FUS: variants seen among roughly 807,000 people sequenced by gnomAD.
FUS encodes the protein RNA-binding protein FUS.
Under a neutral mutation model 82.7 loss-of-function variants are expected in FUS, and 5 were observed. The ratio of observed to expected loss-of-function variants is 0.06; its 90% confidence interval spans 0.03 to 0.13. The LOEUF (loss-of-function observed/expected upper bound fraction) is 0.13. Among genes scored for constraint, FUS ranks in the 10% least tolerant of loss-of-function variants. The pLI is 1.00. For synonymous variants in FUS, 281 were observed against 247.4 expected, an observed-to-expected ratio of 1.14 and a Z score of -1.27; for missense variants, 512 against 707.8, an observed-to-expected ratio of 0.72 and a Z score of 3.14.
downstream of FUS, chr16:31,193,231 A>T (rs916919130): frequency 4.0e-6 from 2 of 499,506 alleles, no homozygotes; most frequent in African/African-American, 3.8e-5. Context: ...GAGGAATAGC[A>T]GGTTTACTTC....
chr16:31,189,488 A>G (rs925912205), intron 9 of FUS, among the ~76,000 whole-genome samples, 177 bp from the exon 10 acceptor site: 2 of 152,204 alleles, frequency 1.3e-5, no homozygotes, highest in African/African-American at 4.8e-5. Flanking sequence ...TTATCTTTCA[A>G]TATTGGAGTG....
At chr16:31,191,991 A>C (rs1330431084), downstream of FUS, 2 of 533,176 alleles carry the variant, frequency 3.8e-6, no homozygotes, top group East Asian at 7.8e-5. Flanking sequence ...GGCAGTATTC[A>C]GATTTGACCA....
chr16:31,180,359 G>A (rs1042430687), intron 1 of FUS, 132 bp downstream of exon 1: 51 of 1,187,220 alleles, frequency 4.3e-5, no homozygotes, highest in Admixed American at 3.6e-4. Flanking sequence ...GGGAAGCCGC[G>A]GAGAAGAGTA....
intron 4 of FUS, 72 bp from the exon 5 acceptor site, chr16:31,184,137 C>T (rs1238364785): frequency 1.5e-5 from 24 of 1,613,682 alleles, no homozygotes; most frequent in Non-Finnish European, 1.9e-5. Context: ...AGAGAATGGA[C>T]TCCACTAAAA....
At position 31,190,266 on chromosome 16, in the gene FUS, C is replaced by G; in HGVS notation, c.1169-9C>G. ...GGGAGCAGACCCATACTTGGTCTAT[C>G]TGCATTAGGACCCATGGGCCGTGGA... is the stretch of plus-strand genomic sequence containing the variant. On this transcript the variant is annotated splice_polypyrimidine_tract_variant and intron_variant, in intron 11 of 14. Transcript: ENST00000254108. 6.2e-7 allele frequency: 1 copy of G among 1,614,096 alleles called. No homozygotes were observed. The highest frequency in any genetic ancestry group is 8.5e-7 in the Non-Finnish European group (1 of 1,180,012).
chr16:31,193,036 T>TA (rs1427087266), downstream of FUS: 2 of 484,606 alleles, frequency 4.1e-6, no homozygotes, highest in African/African-American at 3.9e-5. Context: ...TTTTTCGGCT[T>TA]ACCGCAACTG....
At chr16:31,194,647 T>C (rs2079400835), downstream of FUS, 1 of 488,716 alleles carries the variant, frequency 2.0e-6, no homozygotes, top group African/African-American at 2.0e-5. Context: ...ATTTATGGGG[T>C]ACAATGTCCT....
chr16:31,192,505 G>C (rs1170967009), downstream of FUS: 4 of 515,066 alleles, frequency 7.8e-6, no homozygotes, highest in Non-Finnish European at 1.5e-5. Context: ...GCCATCACAA[G>C]CATAGCTTAC....
At chr16:31,189,942 G>A (rs2079328170) in intron 10 of FUS, 98 bp from the exon 11 acceptor site, 4 of 1,560,580 alleles carry the variant, frequency 2.6e-6, no homozygotes, top group Non-Finnish European at 3.5e-6. Context: ...TTATGTGTCA[G>A]CAGATTATAA....
intron 9 of FUS, 47 bp downstream of exon 9, chr16:31,189,273 G>T: frequency 7.4e-7 from 1 of 1,353,432 alleles, no homozygotes; most frequent in Non-Finnish European, 1.1e-6. Flanking sequence ...TTGTAGGCTT[G>T]TGGATTTCAC....
chr16:31,192,664 G>T (rs775543417), downstream of FUS: 2 of 481,982 alleles, frequency 4.1e-6, no homozygotes, highest in Non-Finnish European at 8.2e-6. Flanking sequence ...GAGTTTAAGC[G>T]ATTCTCCTGC....
At position 31,182,404 on chromosome 16, in the gene FUS, C is replaced by G. The variant is rs978032980; in HGVS notation, c.20C>G (p.Thr7Ser). 1.2e-6 allele frequency: 2 copies of G among 1,614,052 alleles called. No individual in the cohort carries two copies. Among genetic ancestry groups the G allele is most frequent in the African/African-American group, 2.7e-5 (2 of 74,936 alleles). ...TTGTATTTTTCTTTTGCAGATTATA[C>G]CCAACAAGCAACCCAAAGGTGAGTG... is the stretch of plus-strand genomic sequence containing the variant. The part of the protein sequence containing the change: MASNDY[T>S]QQATQSYGAY... Residue 7 changes from threonine (T) to serine (S), a missense_variant, in exon 2 of 15, where the codon ACC (threonine) becomes AGC (serine). Physicochemically the swap from Thr to Ser is moderately conservative, Grantham distance 58. Transcript: ENST00000254108.
chr16:31,192,895 C>T (rs1437544877), downstream of FUS: 3 of 486,126 alleles, frequency 6.2e-6, no homozygotes, highest in Non-Finnish European at 1.2e-5. Flanking sequence ...TTCAAGTGTT[C>T]CACAAGTATG....
chr16:31,193,321 TG>T (rs1567482042), downstream of FUS: 1 of 521,896 alleles, frequency 1.9e-6, no homozygotes, highest in Non-Finnish European at 3.7e-6. Context: ...GATCGTCAAG[TG>T]GGCCTTCCCA....
chr16:31,192,673 G>A, downstream of FUS: 1 of 482,618 alleles, frequency 2.1e-6, no homozygotes, highest in Non-Finnish European at 4.1e-6. Context: ...CGATTCTCCT[G>A]CCTCAGGAGA....
chr16:31,188,734 T>C, intron 8 of FUS: 1 of 469,206 alleles, frequency 2.1e-6, no homozygotes, highest in African/African-American at 1.9e-5. Flanking sequence ...AAGTAAAGCA[T>C]TGAACTCCTG....
intron 8 of FUS, 51 bp from the exon 9 acceptor site, chr16:31,189,072 T>A: frequency 2.1e-6 from 3 of 1,409,044 alleles, no homozygotes; most frequent in Non-Finnish European, 3.0e-6. Flanking sequence ...TTTTTTCCTG[T>A]GTTTTTTATT....
Position 31,190,986 on chromosome 16 carries a change from CGTG to C in FUS, c.1422_1424del (p.Gly475del). 2 of 1,612,998 alleles carry C rather than the reference CGTG, an allele frequency of 1.2e-6. No homozygotes were observed. Among genetic ancestry groups the C allele is most frequent in the Non-Finnish European group, 1.7e-6 (2 of 1,179,544 alleles). On this transcript the variant is annotated inframe_deletion, in exon 14 of 15. Transcript: ENST00000254108. The stretch of plus-strand genomic sequence containing the variant: ...AGGGGGTAACTACGGGGATGATCGT[CGTG>C]GTGGCAGAGGAGGCTATGATCGAGG...
At chr16:31,193,425 G>C (rs1375437984), downstream of FUS, 1 of 527,600 alleles carries the variant, frequency 1.9e-6, no homozygotes, top group Admixed American at 2.2e-5. Flanking sequence ...AGTTGAAATG[G>C]CCTGATACGA....
Sources: gnomAD v4.1 joint callset for allele counts (sites outside exome capture counted in the v4.1 genomes callset) on GRCh38, gnomAD v4.1.1 for gene constraint, MANE v1.5 for transcripts, NCBI Gene and HGNC (gene_info 2026-07-23, HGNC 2026-07-21) for gene names.